The following ATE1 variants were observed in gnomAD, a reference collection of about 807,000 sequenced individuals.
ATE1 encodes the protein arginyl-tRNA--protein transferase 1.
Under a neutral mutation model 70.5 loss-of-function variants are expected in ATE1, and 36 were observed. The ratio of observed to expected loss-of-function variants is 0.51; its 90% CI spans 0.39 to 0.67. The LOEUF is 0.67. Ranked by LOEUF, ATE1 falls within the 30% of genes least tolerant of loss-of-function variation. The pLI is 0.00. For synonymous variants in ATE1, 232 were observed against 219.3 expected (o/e 1.06, Z -0.51); for missense variants, 593 against 629.5 (o/e 0.94, Z 0.62).
At position 121,922,371 on chromosome 10, in the gene ATE1, A is replaced by T. The variant is rs1951915828; in HGVS notation, c.211T>A (p.Cys71Ser). ...TACCTTATTGTGTACTGAGGACAAC[A>T]TGTTTGATTCATGACAGGTTTGTAC... is the stretch of plus-strand genomic sequence containing the variant. ...YVYKPVMNQT[C>S]CPQYTIRCRP... is the part of the protein sequence containing the mutation. Residue 71 changes from cysteine to serine, a missense_variant, in exon 3 of 12, where the codon TGT (cysteine) becomes AGT (serine). Transcript: ENST00000224652. 2 of 1,599,342 alleles carry T rather than the reference A, an allele frequency of 1.3e-6. No individual in the cohort carries two copies. The highest frequency in any genetic ancestry group is 1.7e-6 in the Non-Finnish European group (2 of 1,168,432).
chr10:121,901,082 A>G (rs1020154701), intron 6 of ATE1, among the ~76,000 whole-genome samples: 2 of 152,116 alleles, frequency 1.3e-5, no homozygotes, highest in Non-Finnish European at 2.9e-5. Flanking sequence ...CCTGGCTGAC[A>G]TGGTGAAACC....
upstream of ATE1, chr10:121,928,441 G>A (rs1266300761): frequency 2.6e-6 from 4 of 1,518,052 alleles, no homozygotes; most frequent in Non-Finnish European, 3.5e-6. Context: ...TGGCCGCCGC[G>A]AGGGTCCGCT....
chr10:121,868,017 T>C (rs1348887223), intron 8 of ATE1, among the ~76,000 whole-genome samples: 1 of 152,198 alleles, frequency 6.6e-6, no homozygotes, highest in East Asian at 1.9e-4. Context: ...GGTATGAATG[T>C]ATATAAAGCC....
At chr10:121,924,184 C>A in intron 2 of ATE1, 82 bp downstream of exon 2, 1 of 1,336,332 alleles carries the variant, frequency 7.5e-7, no homozygotes, top group Non-Finnish European at 1.1e-6. Context: ...CTCTTTCCAA[C>A]AGGAAAGCAT....
chr10:121,874,274 A>G lies in ATE1; in HGVS notation c.943-4236T>C, dbSNP rs1335347964. Among the ~76,000 whole-genome samples the G allele has an allele frequency of 5.9e-5, 9 of 152,328 alleles. No homozygotes were observed. The East Asian group carries it at 1.7e-3, about 29-fold the overall frequency. On this transcript the variant is annotated intron_variant, in intron 7 of 11. Transcript: ENST00000224652. ...CCCATCCCTGTTCAATTTCTGGCACATATTTACACTATAAATAACTGGTAG... is the reference window on the plus strand; with the variant it reads ...CCCATCCCTGTTCAATTTCTGGCACGTATTTACACTATAAATAACTGGTAG...
chr10:121,922,328 TCTA>T lies in ATE1; in HGVS notation c.233+18_233+20del, dbSNP rs764898772. 3.0e-5 allele frequency: 45 copies of T among 1,508,338 alleles called. No homozygotes were observed. Among genetic ancestry groups the T allele is most frequent in the Non-Finnish European group, 2.2e-5 (24 of 1,092,442 alleles). 93.4% of individuals were successfully genotyped at this position (1,508,338 alleles called of 1,614,324 possible). ...CAATCTTCATACTATAAATCCTCTT[TCTA>T]CTAATTAAAATTCTTACCTTATTGT... On this transcript the variant is annotated intron_variant, in intron 3 of 11. Coordinates refer to ENST00000224652, the MANE Select transcript of ATE1 (RefSeq NM_001001976.3).
chr10:121,879,805 T>A (rs1950173117), intron 7 of ATE1, among the ~76,000 whole-genome samples: 1 of 152,180 alleles, frequency 6.6e-6, no homozygotes, highest in Admixed American at 6.5e-5. Flanking sequence ...CCCCTTCTTG[T>A]TAGACCTTCT....
rs1291821689 is a variant in ATE1, at chr10:121,743,400, A to C, written c.*280T>G. On this transcript the variant is annotated 3_prime_UTR_variant, in exon 12 of 12. Transcript: ENST00000224652. ...TCACTTCTTCATTTTACAAAATACA[A>C]ACAGGAGAATTTGAGCGTATCTTGC... is the stretch of plus-strand genomic sequence containing the variant. 2.6e-6 allele frequency: 1 copy of C among 381,036 alleles called. No homozygotes were observed. The highest frequency in any genetic ancestry group is 4.0e-6 in the Non-Finnish European group (1 of 249,990). 23.6% of individuals were successfully genotyped at this position (381,036 alleles called of 1,614,324 possible).
chr10:121,926,709 C>A (rs1327351067), intron 1 of ATE1: 62 of 984,630 alleles, frequency 6.3e-5, no homozygotes, highest in Non-Finnish European at 7.5e-5. Flanking sequence ...AGGTAGAAAT[C>A]CACAATACTC....
intron 7 of ATE1, among the ~76,000 whole-genome samples, chr10:121,891,054 C>T (rs1332792718): frequency 6.6e-6 from 1 of 152,110 alleles, no homozygotes; most frequent in East Asian, 1.9e-4. Context: ...GAATTCAGGA[C>T]ACAGACACAC....
At chr10:121,773,553 G>C (rs186379966) in intron 11 of ATE1, among the ~76,000 whole-genome samples, 17 of 152,230 alleles carry the variant, frequency 1.1e-4, no homozygotes, top group African/African-American at 3.4e-4. Context: ...AGTCCCTAAA[G>C]GTTGAGACTT....
At chr10:121,869,828 T>C (rs1343473700) in intron 8 of ATE1, among the ~76,000 whole-genome samples, 178 bp downstream of exon 8, 1 of 152,154 alleles carries the variant, frequency 6.6e-6, no homozygotes, top group Non-Finnish European at 1.5e-5. Context: ...ATATAACTTC[T>C]AGAAACTTTT....
At chr10:121,906,107 T>G (rs974824220) in intron 5 of ATE1, among the ~76,000 whole-genome samples, 1 of 152,178 alleles carries the variant, frequency 6.6e-6, no homozygotes, top group Non-Finnish European at 1.5e-5. Context: ...AAAATGGAAA[T>G]GCAAGCTAGC....
chr10:121,751,124 T>C (rs1046816010), intron 11 of ATE1, among the ~76,000 whole-genome samples: 9 of 152,220 alleles, frequency 5.9e-5, no homozygotes, highest in African/African-American at 1.9e-4. Context: ...AGAAATTAAT[T>C]TGGGACTCCA....
intron 10 of ATE1, among the ~76,000 whole-genome samples, chr10:121,828,241 G>A (rs1437049553): frequency 6.6e-6 from 1 of 152,186 alleles, no homozygotes; most frequent in Non-Finnish European, 1.5e-5. Context: ...AGACATGAGT[G>A]TGCACAGCAA....
Position 121,850,040 on chromosome 10 carries a change from C to A in ATE1, c.976-8777G>T, listed in dbSNP as rs190399592. On this transcript the variant is annotated intron_variant, in intron 8 of 11. Transcript: ENST00000224652. ...GTTTGCCCTTACTGAAGAATCAATA[C>A]AAAGATTTATCTATAAGAGTGGTCA... Among the ~76,000 whole-genome samples, 9 of 152,062 alleles carry A rather than the reference C, an allele frequency of 5.9e-5. No homozygotes were observed. The East Asian group carries it at 1.7e-3, about 29-fold the overall frequency.
At chr10:121,883,571 A>G (rs1476351217) in intron 7 of ATE1, among the ~76,000 whole-genome samples, 1 of 152,236 alleles carries the variant, frequency 6.6e-6, no homozygotes, top group East Asian at 1.9e-4. Flanking sequence ...TATGAGAGCC[A>G]TTATCAACAG....
At chr10:121,872,759 AAAAGT>A (rs1949906688) in intron 7 of ATE1, among the ~76,000 whole-genome samples, 1 of 152,034 alleles carries the variant, frequency 6.6e-6, no homozygotes, top group Non-Finnish European at 1.5e-5. Context: ...AAAACTACTA[AAAAGT>A]AAAGTCTATT....
intron 8 of ATE1, among the ~76,000 whole-genome samples, chr10:121,843,760 C>G (rs1273779683): frequency 6.7e-6 from 1 of 150,222 alleles, no homozygotes. Flanking sequence ...ACACACCTCA[C>G]ACCTTTCACA....
Sources: allele counts gnomAD v4.1 joint callset (sites outside exome capture counted in the v4.1 genomes callset), GRCh38; gene constraint gnomAD v4.1.1; transcripts MANE v1.5; gene names NCBI Gene and HGNC (gene_info 2026-07-23, HGNC 2026-07-21).